Variants in RBMS3 observed in about 807,000 individuals in gnomAD.
RBMS3 encodes RNA binding motif single stranded interacting protein 3, also known as RNA-binding motif, single-stranded-interacting protein 3.
RBMS3 carries 27 observed loss-of-function variants against 66.8 expected under a neutral mutation model. The observed-to-expected ratio is 0.40, with a 90% CI of 0.30 to 0.56. RBMS3 has a LOEUF of 0.56. Ranked by LOEUF, RBMS3 falls within the 20% of genes least tolerant of loss-of-function variation. The pLI, the probability that RBMS3 is intolerant of heterozygous loss-of-function variation, is 0.40. For missense variants in RBMS3, 513 were observed against 549.5 expected (o/e 0.93, Z 0.66); for synonymous variants, 188 against 183.0 (o/e 1.03, Z -0.22).
At chr3:29,425,201 ACCC>A (rs775593798) in intron 1 of RBMS3, among the ~76,000 whole-genome samples, 1 of 102,510 alleles carries the variant, frequency 9.8e-6, no homozygotes, top group African/African-American at 3.7e-5. Context: ...AAAAAAAAAA[ACCC>A]CCCAAAAAAA....
Position 29,434,909 on chromosome 3 carries a change from G to T in RBMS3, c.242G>T (p.Cys81Phe). The change falls in exon 2 of 15, where the codon TGC (cysteine) becomes TTC (phenylalanine). Residue 81 changes from cysteine to phenylalanine, a missense_variant. By Grantham distance (205) the Cys-to-Phe change is radical. Coordinates refer to ENST00000383767, the MANE Select transcript of RBMS3 (RefSeq NM_001003793.3). The part of the protein sequence containing the change: ...GTTDQDLIKL[C>F]QPYGKIVSTK... ...ACTGACCAGGACCTAATCAAGCTGT[G>T]CCAACCGTAAGTGTCCTTCTGCTGC... 1 of 1,612,826 alleles carries T rather than the reference G, an allele frequency of 6.2e-7. No homozygotes were observed. The highest frequency in any genetic ancestry group is 8.5e-7 in the Non-Finnish European group (1 of 1,179,360).
intron 10 of RBMS3, among the ~76,000 whole-genome samples, chr3:29,921,634 C>T (rs1029114043): frequency 6.6e-6 from 1 of 152,040 alleles, no homozygotes; most frequent in African/African-American, 2.4e-5. Context: ...CTATAATGAG[C>T]TGTGATTAAC....
chr3:29,454,313 G>A (rs2042110852), intron 2 of RBMS3, among the ~76,000 whole-genome samples: 1 of 152,314 alleles, frequency 6.6e-6, no homozygotes, highest in South Asian at 2.1e-4. Context: ...TGGGGTGGGA[G>A]TGAGGAGAAG....
rs372567479 is a variant in RBMS3 at position 29,628,822 on chromosome 3, A to G, written c.399+41617A>G. Among the ~76,000 whole-genome samples the G allele has an allele frequency of 2.0e-4, 30 of 152,254 alleles. No homozygotes were observed. The Middle Eastern group carries it at 0.01, about 52-fold the overall frequency. ...TGTGTGCTCATAAAAAGGAAAGCAT[A>G]AGCAAATTAAGGTAAATCATTCTAA... On this transcript the variant is annotated intron_variant, in intron 4 of 14. Transcript: ENST00000383767.
chr3:29,846,162 TCTGA>T (rs1207185266), intron 6 of RBMS3, among the ~76,000 whole-genome samples: 3 of 152,122 alleles, frequency 2.0e-5, no homozygotes, highest in Non-Finnish European at 4.4e-5. Flanking sequence ...GAAAGATCAT[TCTGA>T]CTATGTATGG....
intron 3 of RBMS3, among the ~76,000 whole-genome samples, chr3:29,506,015 T>G (rs1227947509): frequency 6.6e-6 from 1 of 151,908 alleles, no homozygotes; most frequent in Non-Finnish European, 1.5e-5. Flanking sequence ...ATCATGTTAC[T>G]TACAAACAAG....
chr3:29,608,455 T>C (rs1430326288), intron 4 of RBMS3, among the ~76,000 whole-genome samples: 1 of 152,050 alleles, frequency 6.6e-6, no homozygotes, highest in Non-Finnish European at 1.5e-5. Context: ...AAGGATTAGT[T>C]ATATGCTGCT....
At chr3:29,530,705 C>CAAA (rs35876128) in intron 3 of RBMS3, among the ~76,000 whole-genome samples, 8 of 123,730 alleles carry the variant, frequency 6.5e-5, no homozygotes, top group African/African-American at 9.3e-5. Flanking sequence ...ACTAAAAATA[C>CAAA]AAAAAAAAAA....
chr3:29,295,474 G>A (rs2125434660), intron 1 of RBMS3, among the ~76,000 whole-genome samples: 1 of 150,714 alleles, frequency 6.6e-6, no homozygotes, highest in South Asian at 2.1e-4. Context: ...GATACAGCGG[G>A]AAAATGTTAA....
At chr3:29,287,714 T>A (rs12493453) in intron 1 of RBMS3, among the ~76,000 whole-genome samples, 5 of 151,952 alleles carry the variant, frequency 3.3e-5, no homozygotes, top group African/African-American at 9.6e-5. Context: ...ATTAATAACC[T>A]CTAGCTTCCT....
At chr3:29,956,312 T>C (rs1470763268) in intron 12 of RBMS3, among the ~76,000 whole-genome samples, 1 of 152,110 alleles carries the variant, frequency 6.6e-6, no homozygotes, top group Non-Finnish European at 1.5e-5. Context: ...GTTTTTCTGA[T>C]TTTCACACTT....
At chr3:29,565,524 T>C (rs541558681) in intron 3 of RBMS3, among the ~76,000 whole-genome samples, 5 of 152,286 alleles carry the variant, frequency 3.3e-5, no homozygotes, top group African/African-American at 1.2e-4. Flanking sequence ...GTTTTCCTTC[T>C]GCTGAGCAAT....
chr3:29,880,746 G>A, intron 7 of RBMS3: 1 of 1,529,446 alleles, frequency 6.5e-7, no homozygotes, highest in Non-Finnish European at 8.8e-7. Context: ...CATATGACCT[G>A]ACACTATCTC....
intron 1 of RBMS3, among the ~76,000 whole-genome samples, chr3:29,308,800 CA>C (rs10706270): frequency 0.3 from 38,527 of 130,346 alleles, 5,265 homozygotes; most frequent in Middle Eastern, 0.42. Context: ...AAAATTTTGT[CA>C]AAAAAAAAAA....
intron 1 of RBMS3, among the ~76,000 whole-genome samples, chr3:29,378,776 A>G (rs1026428817): frequency 1.3e-5 from 2 of 151,660 alleles, no homozygotes; most frequent in Non-Finnish European, 2.9e-5. Context: ...AATTGTATCG[A>G]AAATCTTAAA....
At chr3:29,600,394 C>A (rs2048102768) in intron 4 of RBMS3, among the ~76,000 whole-genome samples, 2 of 151,982 alleles carry the variant, frequency 1.3e-5, no homozygotes, top group African/African-American at 4.8e-5. Flanking sequence ...TAAAAAAAGC[C>A]TGCCACTTTG....
intron 3 of RBMS3, among the ~76,000 whole-genome samples, chr3:29,566,891 C>A (rs1304606621): frequency 6.6e-6 from 1 of 151,946 alleles, no homozygotes; most frequent in Non-Finnish European, 1.5e-5. Context: ...TGGCATTTAT[C>A]ATATGCAAGT....
chr3:29,704,377 G>T (rs1286660416), intron 4 of RBMS3, among the ~76,000 whole-genome samples: 2 of 152,156 alleles, frequency 1.3e-5, no homozygotes, highest in African/African-American at 4.8e-5. Flanking sequence ...GGTTTCATTG[G>T]ATAAGTGTTT....
chr3:29,431,859 G>A (rs1559356030), intron 1 of RBMS3, among the ~76,000 whole-genome samples: 1 of 152,058 alleles, frequency 6.6e-6, no homozygotes, highest in African/African-American at 2.4e-5. Flanking sequence ...CTGGATAGCA[G>A]AGACCACAGG....
Sources: allele counts gnomAD v4.1 joint callset (sites outside exome capture counted in the v4.1 genomes callset), GRCh38; gene constraint gnomAD v4.1.1; transcripts MANE v1.5; gene names NCBI Gene and HGNC (gene_info 2026-07-23, HGNC 2026-07-21).